The following ZFAND6 variants were observed in gnomAD, a reference collection of about 807,000 sequenced individuals.
ZFAND6 encodes AN1-type zinc finger protein 6.
In ZFAND6, 12 loss-of-function variants were observed where a neutral mutation model predicts 24.5. The ratio of observed to expected loss-of-function variants is 0.49; its 90% CI spans 0.31 to 0.79. ZFAND6 has a LOEUF of 0.79. ZFAND6 is among the 30% of genes least tolerant of loss of function. The pLI, the probability that ZFAND6 is intolerant of heterozygous loss-of-function variation, is 0.04. For missense variants in ZFAND6, 207 were observed against 245.9 expected (o/e 0.84, Z 1.06); for synonymous variants, 92 against 81.5 (o/e 1.13, Z -0.69).
intron 4 of ZFAND6, 110 bp from the exon 5 acceptor site, chr15:80,122,590 T>C (rs1249144789): frequency 1.5e-6 from 1 of 668,448 alleles, no homozygotes; most frequent in Non-Finnish European, 2.6e-6. Flanking sequence ...AGTATGTCTG[T>C]GTTCTCATCT....
At chr15:80,066,173 C>T (rs1252307384) in intron 1 of ZFAND6, among the ~76,000 whole-genome samples, 4 of 152,016 alleles carry the variant, frequency 2.6e-5, no homozygotes, top group Non-Finnish European at 5.9e-5. Context: ...TTTCAGATTT[C>T]GACAAGTGTC....
At chr15:80,082,975 A>G (rs975042671) in intron 1 of ZFAND6, among the ~76,000 whole-genome samples, 11 of 152,134 alleles carry the variant, frequency 7.2e-5, no homozygotes, top group East Asian at 1.9e-4. Context: ...TCCTATACAT[A>G]TATACATATG....
intron 1 of ZFAND6, among the ~76,000 whole-genome samples, chr15:80,090,609 G>GT (rs199986957): frequency 0.051 from 7,792 of 152,074 alleles, 228 homozygotes; most frequent in African/African-American, 0.059. Flanking sequence ...GTTTTTGTTT[G>GT]TTTTTTTAAC....
intron 1 of ZFAND6, among the ~76,000 whole-genome samples, chr15:80,097,222 A>G (rs1250506590): frequency 6.6e-6 from 1 of 150,400 alleles, no homozygotes; most frequent in Admixed American, 6.6e-5. Flanking sequence ...CTGGTCATGA[A>G]CTCCTGACCT....
chr15:80,126,929 A>G (rs2040392360), intron 5 of ZFAND6, among the ~76,000 whole-genome samples: 1 of 152,106 alleles, frequency 6.6e-6, no homozygotes, highest in Non-Finnish European at 1.5e-5. Context: ...CCTGGGCAAC[A>G]TGGCAAAACC....
At chr15:80,077,697 C>CTTT (rs11441423) in intron 1 of ZFAND6, among the ~76,000 whole-genome samples, 2,386 of 115,170 alleles carry the variant, frequency 0.021, 121 homozygotes, top group South Asian at 0.042. Flanking sequence ...AGTTTTCTTT[C>CTTT]TTTTTTTTTT....
At chr15:80,124,695 G>T (rs1009612886) in intron 5 of ZFAND6, among the ~76,000 whole-genome samples, 5 of 152,156 alleles carry the variant, frequency 3.3e-5, no homozygotes, top group Admixed American at 2.0e-4. Flanking sequence ...AGGAGAAATT[G>T]TATAGGCCCC....
intron 6 of ZFAND6, among the ~76,000 whole-genome samples, chr15:80,132,487 A>G (rs1353302956): frequency 6.6e-6 from 1 of 152,250 alleles, no homozygotes. Context: ...GAGAGTGGCA[A>G]AAAGTTACTG....
At chr15:80,062,804 A>T (rs1318876306) in intron 1 of ZFAND6, among the ~76,000 whole-genome samples, 3 of 152,196 alleles carry the variant, frequency 2.0e-5, no homozygotes, top group African/African-American at 7.2e-5. Flanking sequence ...CATGATAGAT[A>T]ACTATTATTA....
chr15:80,067,829 G>A (rs2036735629), intron 1 of ZFAND6, among the ~76,000 whole-genome samples: 1 of 152,032 alleles, frequency 6.6e-6, no homozygotes, highest in South Asian at 2.1e-4. Context: ...TATTAAGTTT[G>A]AAATAGGAAC....
At chr15:80,137,279 G>T (rs1479347427) in intron 6 of ZFAND6, among the ~76,000 whole-genome samples, 1 of 152,182 alleles carries the variant, frequency 6.6e-6, no homozygotes, top group Non-Finnish European at 1.5e-5. Context: ...TTTCTCTAGG[G>T]CAAACCTGCG....
At chr15:80,113,833 T>A (rs1003818056) in intron 2 of ZFAND6, among the ~76,000 whole-genome samples, 1 of 146,170 alleles carries the variant, frequency 6.8e-6, no homozygotes, top group African/African-American at 2.5e-5. Flanking sequence ...CAGAGTTGTA[T>A]ACCAGTGAAG....
intron 6 of ZFAND6, among the ~76,000 whole-genome samples, chr15:80,133,200 T>G (rs993954744): frequency 1.5e-4 from 4 of 26,032 alleles, no homozygotes; most frequent in African/African-American, 3.9e-4. Context: ...TTGTTTTTTG[T>G]TTTTTTTTTT....
intron 6 of ZFAND6, among the ~76,000 whole-genome samples, chr15:80,132,312 G>A (rs528863386): frequency 6.6e-6 from 1 of 151,368 alleles, no homozygotes. Context: ...TGTAAAACAT[G>A]TGTAGATACT....
At chr15:80,127,054 G>T (rs1015135634) in intron 5 of ZFAND6, among the ~76,000 whole-genome samples, 7 of 152,024 alleles carry the variant, frequency 4.6e-5, no homozygotes, top group Admixed American at 2.0e-4. Flanking sequence ...GCTGCAGTGA[G>T]CCATTAACGC....
rs142826314 is a variant in ZFAND6, at chr15:80,121,770, G to T, written c.213G>T (p.Val71=). 1 of 1,613,840 alleles carries T rather than the reference G, an allele frequency of 6.2e-7. No individual in the cohort carries two copies. The highest frequency in any genetic ancestry group is 1.3e-5 in the African/African-American group (1 of 75,020). The change falls in exon 4 of 7, where the codon GTG becomes GTT. Residue 71 remains valine, a synonymous_variant. Transcript: ENST00000261749. ...SLPVQCTDGS[V]PEAQSALDST... ...CAGTTCAATGCACAGATGGCAGTGT[G>T]CCAGAAGCCCAGTCAGCATTAGACT...
chr15:80,099,041 T>C (rs1021472077), intron 2 of ZFAND6, among the ~76,000 whole-genome samples: 4 of 152,048 alleles, frequency 2.6e-5, no homozygotes, highest in African/African-American at 9.7e-5. Flanking sequence ...AAAGCTAATA[T>C]TTTAAAAAAT....
At chr15:80,089,857 T>C (rs1567064794) in intron 1 of ZFAND6, among the ~76,000 whole-genome samples, 1 of 152,190 alleles carries the variant, frequency 6.6e-6, no homozygotes, top group Non-Finnish European at 1.5e-5. Context: ...TAGGTATTTA[T>C]ATTTTAAGAG....
At chr15:80,103,423 G>A (rs958331454) in intron 2 of ZFAND6, among the ~76,000 whole-genome samples, 2 of 152,160 alleles carry the variant, frequency 1.3e-5, no homozygotes, top group Admixed American at 6.5e-5. Context: ...TTGGTAACTT[G>A]TGGATATTCA....
Sources: gnomAD v4.1 joint callset for allele counts (sites outside exome capture counted in the v4.1 genomes callset) on GRCh38, gnomAD v4.1.1 for gene constraint, MANE v1.5 for transcripts, NCBI Gene and HGNC (gene_info 2026-07-23, HGNC 2026-07-21) for gene names.